The following MKLN1 variants were observed in gnomAD, a reference collection of about 807,000 sequenced individuals.
MKLN1 encodes muskelin.
Under a neutral mutation model 99.0 loss-of-function variants are expected in MKLN1, and 18 were observed. The observed-to-expected ratio is 0.18, with a 90% CI of 0.13 to 0.27. MKLN1 has a LOEUF of 0.27. Among genes scored for constraint, MKLN1 ranks in the 10% least tolerant of loss-of-function variants. The pLI, the probability that MKLN1 is intolerant of heterozygous loss-of-function variation, is 1.00. For missense variants in MKLN1, 621 were observed against 875.9 expected (o/e 0.71, Z 3.67); for synonymous variants, 288 against 293.2 (o/e 0.98, Z 0.18).
intron 3 of MKLN1, among the ~76,000 whole-genome samples, chr7:131,260,384 C>T (rs1386879507): frequency 6.6e-6 from 1 of 151,930 alleles, no homozygotes; most frequent in African/African-American, 2.4e-5. Flanking sequence ...TTCACAATAG[C>T]CACAAAAAGA....
At chr7:131,302,477 A>T (rs1798390242) in intron 3 of MKLN1, among the ~76,000 whole-genome samples, 1 of 151,968 alleles carries the variant, frequency 6.6e-6, no homozygotes, top group African/African-American at 2.4e-5. Flanking sequence ...AGCCAATTTC[A>T]CTCTTCCCAA....
chr7:131,450,214 T>A (rs1391245334), intron 12 of MKLN1, among the ~76,000 whole-genome samples: 1 of 152,222 alleles, frequency 6.6e-6, no homozygotes, highest in Non-Finnish European at 1.5e-5. Context: ...ACAGCTATTC[T>A]GTGTTACCAG....
intron 3 of MKLN1, among the ~76,000 whole-genome samples, chr7:131,226,623 T>C (rs1025106): frequency 0.084 from 12,853 of 152,194 alleles, 609 homozygotes; most frequent in African/African-American, 0.098. Flanking sequence ...TGGAGTTTTT[T>C]CTATGTGGGA....
At chr7:131,159,487 G>A (rs1796015595) in intron 2 of MKLN1, among the ~76,000 whole-genome samples, 1 of 152,122 alleles carries the variant, frequency 6.6e-6, no homozygotes, top group South Asian at 2.1e-4. Context: ...AATATCAAAT[G>A]TTCTCACTCA....
chr7:131,387,722 G>A (rs1426781568), intron 3 of MKLN1, among the ~76,000 whole-genome samples: 5 of 152,306 alleles, frequency 3.3e-5, no homozygotes, highest in East Asian at 3.9e-4. Context: ...GCGTGACTAC[G>A]CCAAGCACAG....
intron 2 of MKLN1, among the ~76,000 whole-genome samples, chr7:131,193,417 G>A (rs1157979073): frequency 2.0e-5 from 3 of 152,018 alleles, no homozygotes; most frequent in Admixed American, 2.0e-4. Context: ...CCAGGCTGGA[G>A]TGCAGTGGTG....
intron 1 of MKLN1, 155 bp downstream of exon 1, chr7:131,328,152 C>A (rs1798947403): frequency 1.1e-6 from 1 of 930,598 alleles, no homozygotes; most frequent in Non-Finnish European, 1.6e-6. Flanking sequence ...CTGCTGAGAG[C>A]GTTGCTCGGC....
intron 2 of MKLN1, among the ~76,000 whole-genome samples, chr7:131,180,610 A>G (rs1796364712): frequency 6.6e-6 from 1 of 151,930 alleles, no homozygotes; most frequent in Admixed American, 6.6e-5. Context: ...GAGGCAGGAG[A>G]ATCACTTGAA....
At chr7:131,245,562 G>A (rs918256798) in intron 3 of MKLN1, among the ~76,000 whole-genome samples, 3 of 152,214 alleles carry the variant, frequency 2.0e-5, no homozygotes, top group Admixed American at 6.5e-5. Context: ...TTACAGGCGT[G>A]AGCCACTGTG....
intron 2 of MKLN1, among the ~76,000 whole-genome samples, chr7:131,197,378 TTTATTATTATTATTATTATTA>T (rs139892490): frequency 8.3e-4 from 116 of 139,266 alleles, no homozygotes; most frequent in Middle Eastern, 3.6e-3. Flanking sequence ...TAATTAAAAT[TTTATTATTATTATTATTATTA>T]TTATTATTAT....
chr7:131,471,053 T>G (rs145347271), intron 16 of MKLN1, 109 bp downstream of exon 16: 1 of 684,446 alleles, frequency 1.5e-6, no homozygotes, highest in Admixed American at 2.9e-5. Context: ...GAAGAAAATA[T>G]GATGACATCA....
chr7:131,472,791 A>G (rs752444448), intron 16 of MKLN1, among the ~76,000 whole-genome samples: 2 of 152,142 alleles, frequency 1.3e-5, no homozygotes, highest in African/African-American at 2.4e-5. Flanking sequence ...TCTACTAAAA[A>G]TACAAAAAAA....
At chr7:131,436,808 G>C (rs983607061) in intron 9 of MKLN1, among the ~76,000 whole-genome samples, 1 of 152,052 alleles carries the variant, frequency 6.6e-6, no homozygotes, top group Non-Finnish European at 1.5e-5. Flanking sequence ...ATTGGGTCCT[G>C]TGATACAAGT....
intron 17 of MKLN1, among the ~76,000 whole-genome samples, chr7:131,482,591 T>C (rs1022750898): frequency 4.6e-5 from 7 of 152,172 alleles, no homozygotes; most frequent in African/African-American, 1.7e-4. Flanking sequence ...GTGTAGGATG[T>C]TAAGTTAAAA....
chr7:131,474,643 A>C (rs1442550825), intron 16 of MKLN1, among the ~76,000 whole-genome samples: 3 of 152,248 alleles, frequency 2.0e-5, no homozygotes, highest in African/African-American at 7.2e-5. Flanking sequence ...ACCCCAAATA[A>C]GTAGGAAATA....
intron 2 of MKLN1, among the ~76,000 whole-genome samples, chr7:131,175,030 A>AAATG (rs1425276786): frequency 3.4e-5 from 5 of 148,244 alleles, no homozygotes; most frequent in African/African-American, 1.3e-4. Flanking sequence ...ATAGATAGGC[A>AAATG]GATGGATGGA....
chr7:131,462,989 G>T (rs1429365207), intron 12 of MKLN1, among the ~76,000 whole-genome samples: 2 of 152,072 alleles, frequency 1.3e-5, no homozygotes, highest in Non-Finnish European at 2.9e-5. Context: ...GAGTGTGGTG[G>T]TGCATGCTTG....
chr7:131,332,215 C>G (rs1407310714), intron 1 of MKLN1, among the ~76,000 whole-genome samples: 3 of 151,430 alleles, frequency 2.0e-5, no homozygotes, highest in Non-Finnish European at 4.4e-5. Context: ...GCAGGACCAT[C>G]ACTTGAGACC....
At chr7:131,471,220 A>G (rs1216088654) in intron 16 of MKLN1, 1 of 266,924 alleles carries the variant, frequency 3.7e-6, no homozygotes, top group African/African-American at 2.3e-5. Context: ...AAGCAAATAG[A>G]AATTTTTACT....
Sources: allele counts gnomAD v4.1 joint callset (sites outside exome capture counted in the v4.1 genomes callset), GRCh38; gene constraint gnomAD v4.1.1; transcripts MANE v1.5; gene names NCBI Gene and HGNC (gene_info 2026-07-23, HGNC 2026-07-21).